ZC3H7B: variants seen among roughly 807,000 people sequenced by gnomAD.
ZC3H7B encodes the protein zinc finger CCCH domain-containing protein 7B.
In ZC3H7B, 35 loss-of-function variants were observed where a neutral mutation model predicts 116.0. The ratio of observed to expected loss-of-function variants is 0.30; its 90% CI spans 0.23 to 0.40. The LOEUF (loss-of-function observed/expected upper bound fraction) is 0.40, where lower values mean the gene tolerates loss of function less well. Among genes scored for constraint, ZC3H7B ranks in the 10% least tolerant of loss-of-function variants. ZC3H7B has a pLI of 1.00. For missense variants in ZC3H7B, 1,011 were observed against 1,321.5 expected (o/e 0.77, Z 3.64); for synonymous variants, 502 against 545.6 (o/e 0.92, Z 1.11).
At position 41,338,957 on chromosome 22, in the gene ZC3H7B, A is replaced by G. The variant is rs1601784722; in HGVS notation, c.626-44A>G. On this transcript the variant is annotated intron_variant, in intron 8 of 22. Transcript: ENST00000352645. The surrounding 1 kb of genome is among the most constrained non-coding windows in gnomAD (Gnocchi z 4.5). ...GGCCCGGGACGCCTCCTCCACCCTC[A>G]CCAAGCAGTGCTCCCCTTCGGCTCT... 6 of 1,491,722 alleles carry G rather than the reference A, an allele frequency of 4.0e-6. No individual in the cohort carries two copies. The highest frequency in any genetic ancestry group is 1.4e-5 in the South Asian group (1 of 72,108). 92.4% of individuals were successfully genotyped at this position (1,491,722 alleles called of 1,614,324 possible).
At chr22:41,336,634 G>C (rs190183590) in intron 7 of ZC3H7B, 1 of 151,988 alleles carries the variant, frequency 6.6e-6, no homozygotes, top group African/African-American at 2.4e-5. Context: ...CTGCACTCCA[G>C]CCTGGGCTAC....
At chr22:41,312,587 C>T (rs1256361097) in intron 1 of ZC3H7B, among the ~76,000 whole-genome samples, 3 of 151,748 alleles carry the variant, frequency 2.0e-5, no homozygotes, top group Non-Finnish European at 4.4e-5. Context: ...GAGACCCTGC[C>T]TCTAAAATAA....
At chr22:41,329,736 T>G (rs541475125) in intron 5 of ZC3H7B, among the ~76,000 whole-genome samples, 1 of 152,132 alleles carries the variant, frequency 6.6e-6, no homozygotes. Context: ...CATTGTCACT[T>G]TTGCTGAATT....
rs187553510 is a variant in ZC3H7B at position 41,304,209 on chromosome 22, C to T, written c.-7+2437C>T. The stretch of plus-strand genomic sequence containing the variant: ...AGGCATGAGCCACCACACCTGGCTG[C>T]TGCAAGTTTCTTTCTTTCTTTCTTT... On this transcript the variant is annotated intron_variant, in intron 1 of 22. Coordinates refer to ENST00000352645, the MANE Select transcript of ZC3H7B (RefSeq NM_017590.6). Among the ~76,000 whole-genome samples, 6 of 152,030 alleles carry T rather than the reference C, an allele frequency of 3.9e-5. No homozygotes were observed. In the East Asian group the frequency reaches 1.2e-3, roughly 30 times the overall value.
At chr22:41,303,199 A>ATGCAGT (rs2035996541) in intron 1 of ZC3H7B, among the ~76,000 whole-genome samples, 1 of 152,210 alleles carries the variant, frequency 6.6e-6, no homozygotes, top group African/African-American at 2.4e-5. Flanking sequence ...CAACAGTTGG[A>ATGCAGT]TGGAGCATGT....
intron 13 of ZC3H7B, among the ~76,000 whole-genome samples, chr22:41,344,146 G>T (rs2036557386): frequency 6.6e-6 from 1 of 152,238 alleles, no homozygotes; most frequent in African/African-American, 2.4e-5. Context: ...GTCACGAATT[G>T]CTAAGGCCTT....
At chr22:41,325,440 C>T (rs764683135) in intron 2 of ZC3H7B, 124 bp from the exon 3 acceptor site, 30 of 1,298,376 alleles carry the variant, frequency 2.3e-5, no homozygotes, top group Admixed American at 6.1e-5. Context: ...AGAAGAAAAC[C>T]GCAGTCTGTT....
rs954599436 is a variant in ZC3H7B at position 41,357,129 on chromosome 22, G to A, written c.2682-48G>A. Reference sequence around the variant, plus strand: ...GGCCGGCCCCAGATGGACAGCCTGGGGTGGGAAGGGCACAGAGCTCGGGCA... The same window carrying A: ...GGCCGGCCCCAGATGGACAGCCTGGAGTGGGAAGGGCACAGAGCTCGGGCA... On this transcript the variant is annotated intron_variant, in intron 22 of 22. Coordinates refer to ENST00000352645, the MANE Select transcript of ZC3H7B (RefSeq NM_017590.6). This position sits in a 1 kb window ranked among gnomAD's most constrained non-coding sequence, Gnocchi z 5.4. The A allele has an allele frequency of 8.8e-6, 14 of 1,599,646 alleles. No homozygotes were observed. The highest frequency in any genetic ancestry group is 1.0e-5 in the Non-Finnish European group (12 of 1,174,326).
intron 1 of ZC3H7B, among the ~76,000 whole-genome samples, chr22:41,312,990 T>A (rs968804714): frequency 6.6e-6 from 1 of 152,196 alleles, no homozygotes; most frequent in East Asian, 1.9e-4. Flanking sequence ...TGTGTCAAAG[T>A]GAAAGGACAT....
chr22:41,341,293 A>C (rs941182857), intron 11 of ZC3H7B, 147 bp downstream of exon 11: 3 of 946,604 alleles, frequency 3.2e-6, no homozygotes. Context: ...AAAGATGATC[A>C]CCTCGTGCCC....
chr22:41,304,203 T>C (rs1213165175), intron 1 of ZC3H7B, among the ~76,000 whole-genome samples: 1 of 152,002 alleles, frequency 6.6e-6, no homozygotes, highest in African/African-American at 2.4e-5. Context: ...CCACCACACC[T>C]GGCTGCTGCA....
chr22:41,350,154 G>A (rs1472883696), intron 16 of ZC3H7B, among the ~76,000 whole-genome samples: 1 of 152,158 alleles, frequency 6.6e-6, no homozygotes, highest in African/African-American at 2.4e-5. Flanking sequence ...GAAGGGCGGG[G>A]AGTGCATTCC....
chr22:41,355,751 C>T lies in ZC3H7B; in HGVS notation c.2169-6C>T, dbSNP rs375461145. 84 of 1,613,852 alleles carry T rather than the reference C, an allele frequency of 5.2e-5. No individual in the cohort carries two copies. Among genetic ancestry groups the T allele is most frequent in the Non-Finnish European group, 6.7e-5 (79 of 1,180,010 alleles). Reference sequence around the variant, plus strand: ...GACCTCTCCCCAACCCTGCTCTGTCCTGCAGCTGGACCAAGGAGCGGCGGG... The same window carrying T: ...GACCTCTCCCCAACCCTGCTCTGTCTTGCAGCTGGACCAAGGAGCGGCGGG... On this transcript the variant is annotated splice_polypyrimidine_tract_variant and splice_region_variant and intron_variant, in intron 18 of 22. Coordinates refer to ENST00000352645, the MANE Select transcript of ZC3H7B (RefSeq NM_017590.6).
intron 1 of ZC3H7B, among the ~76,000 whole-genome samples, chr22:41,317,651 G>T (rs2036201281): frequency 6.6e-6 from 1 of 151,984 alleles, no homozygotes. Context: ...ACAAAAATTA[G>T]CCATGTGTGG....
chr22:41,338,183 A>T lies in ZC3H7B; in HGVS notation c.583-130A>T. The T allele has an allele frequency of 1.1e-6, 1 of 951,688 alleles. No homozygotes were observed. The highest frequency in any genetic ancestry group is 1.6e-6 in the Non-Finnish European group (1 of 640,226). 59.0% of individuals were successfully genotyped at this position (951,688 alleles called of 1,614,324 possible). A position where few individuals can be genotyped will look rare whatever the true frequency, so the allele number is the denominator to read the frequency against. ...ACGCCTGGCCGCATGTGAGGGCTTTAATCTCCCCTGGCACTCTAAGTGCTC... is the reference window on the plus strand; with the variant it reads ...ACGCCTGGCCGCATGTGAGGGCTTTTATCTCCCCTGGCACTCTAAGTGCTC... On this transcript the variant is annotated intron_variant, in intron 7 of 22. Transcript: ENST00000352645. The surrounding 1 kb of genome is among the most constrained non-coding windows in gnomAD (Gnocchi z 4.5).
intron 17 of ZC3H7B, among the ~76,000 whole-genome samples, chr22:41,355,058 C>T (rs746567591): frequency 7.9e-5 from 12 of 152,178 alleles, no homozygotes; most frequent in Admixed American, 2.6e-4. Context: ...AGGAGAGCTC[C>T]GGGGCAGGCT....
chr22:41,302,725 G>A lies in ZC3H7B; in HGVS notation c.-7+953G>A, dbSNP rs1308368904. On this transcript the variant is annotated intron_variant, in intron 1 of 22. Coordinates refer to ENST00000352645, the MANE Select transcript of ZC3H7B (RefSeq NM_017590.6). This position sits in a 1 kb window ranked among gnomAD's most constrained non-coding sequence, Gnocchi z 5.7. ...TTTCACAGACAAAGCCGTCTTCCCA[G>A]GGGGGAAAATAATCATATAAAAACA... is the stretch of plus-strand genomic sequence containing the variant. 6.6e-5 allele frequency among the ~76,000 whole-genome samples: 10 copies of A among 152,296 alleles called. No individual in the cohort carries two copies. The highest frequency in any genetic ancestry group is 2.4e-4 in the African/African-American group (10 of 41,572).
At chr22:41,324,023 T>C (rs1429954833) in intron 2 of ZC3H7B, among the ~76,000 whole-genome samples, 2 of 151,282 alleles carry the variant, frequency 1.3e-5, no homozygotes, top group Non-Finnish European at 2.9e-5. Context: ...TGAGCCGAGA[T>C]TGGGCCACTG....
Position 41,351,462 on chromosome 22 carries a change from C to T in ZC3H7B, c.1949-99C>T, listed in dbSNP as rs2036652824. On this transcript the variant is annotated intron_variant, in intron 16 of 22. Coordinates refer to ENST00000352645, the MANE Select transcript of ZC3H7B (RefSeq NM_017590.6). The surrounding 1 kb of genome is among the most constrained non-coding windows in gnomAD (Gnocchi z 5.1). ...GGCTGGGCTGAGAATAGGGCTCCTC[C>T]AGCTGGGCCTCGGGGGTCCCTGGCA... The T allele has an allele frequency of 2.9e-6, 3 of 1,052,026 alleles. No homozygotes were observed. The South Asian group carries it at 4.7e-5, about 16-fold the overall frequency. The allele number at this position is 1,052,026 out of a possible 1,614,324, so 65.2% of individuals were successfully genotyped here. A position where few individuals can be genotyped will look rare whatever the true frequency, so the allele number is the denominator to read the frequency against.
Sources: allele counts gnomAD v4.1 joint callset (sites outside exome capture counted in the v4.1 genomes callset), GRCh38; gene constraint gnomAD v4.1.1; non-coding constraint Gnocchi (gnomAD v3.1); transcripts MANE v1.5; gene names NCBI Gene and HGNC (gene_info 2026-07-23, HGNC 2026-07-21).